PQBP1: variants seen among roughly 807,000 people sequenced by gnomAD.
PQBP1 encodes the protein polyglutamine-binding protein 1.
PQBP1 carries 3 observed loss-of-function variants against 20.9 expected under a neutral mutation model. The observed-to-expected ratio is 0.14, with a 90% CI of 0.07 to 0.37. The LOEUF (loss-of-function observed/expected upper bound fraction) is 0.37. Ranked by LOEUF, PQBP1 falls within the 10% of genes least tolerant of loss-of-function variation. The probability of loss-of-function intolerance (pLI) is 1.00; values close to 1 mark genes in which losing one functional copy is unlikely to be tolerated. For synonymous variants in PQBP1, 83 were observed against 93.8 expected (o/e 0.88, Z 0.67); for missense variants, 162 against 240.3 (o/e 0.67, Z 2.16).
intron 2 of PQBP1, among the ~76,000 whole-genome samples, chrX:48,900,487 G>T (rs782360516): frequency 9.6e-6 from 1 of 104,675 alleles, no homozygotes; most frequent in Non-Finnish European, 2.0e-5. Context: ...TAGAGATGGG[G>T]TTTCACCATG....
chrX:48,900,284 C>CTT lies in PQBP1; in HGVS notation c.68-878_68-877dup, dbSNP rs1162086780. Among the ~76,000 whole-genome samples the CTT allele has an allele frequency of 2.2e-3, 72 of 32,474 alleles. 6 individuals are homozygous for CTT. The highest frequency in any genetic ancestry group is 6.4e-3 in the African/African-American group (50 of 7,756). 28.2% of individuals were successfully genotyped at this position (32,474 alleles called of 115,157 possible). ...AAAACTGGCAATGATCATTGATTTACTTTTTTTTTTTTTTTTTTTTTTTTT... is the reference window on the plus strand; with the variant it reads ...AAAACTGGCAATGATCATTGATTTACTTTTTTTTTTTTTTTTTTTTTTTTTTT... On this transcript the variant is annotated intron_variant, in intron 2 of 6. Coordinates refer to ENST00000447146, the MANE Select transcript of PQBP1 (RefSeq NM_001032382.2).
chrX:48,901,493 T>G (rs782605252), intron 3 of PQBP1, 192 bp downstream of exon 3: 38 of 955,834 alleles, frequency 4.0e-5, no homozygotes, highest in Non-Finnish European at 5.7e-6. Flanking sequence ...TTCTCTCTTT[T>G]TTGAAACGGA....
intron 2 of PQBP1, among the ~76,000 whole-genome samples, chrX:48,899,573 A>G (rs1391402884): frequency 3.6e-5 from 4 of 111,352 alleles, no homozygotes; most frequent in Non-Finnish European, 5.7e-5. Context: ...CCTGGCCGAC[A>G]CATGGAGACC....
In PQBP1 at chrX:48,903,043, C is replaced by A. The variant is rs1275262976; in HGVS notation, c.757C>A (p.Arg253=). 2 of 1,207,990 alleles carry A rather than the reference C, an allele frequency of 1.7e-6. No homozygotes were observed. The highest frequency in any genetic ancestry group is 4.4e-5 in the Admixed American group (2 of 45,669). The stretch of plus-strand genomic sequence containing the variant: ...GTATCCATCCCCAGGGGCTGTGCTC[C>A]GGGCCAATGCAGAGGCCTCCCGAAC... ...RPYPSPGAVL[R]ANAEASRTKQ... The change falls in exon 7 of 7, where the codon CGG becomes AGG. Residue 253 remains arginine, a synonymous_variant. Transcript: ENST00000447146.
chrX:48,902,834 A>AT (rs782654324), intron 6 of PQBP1, 39 bp downstream of exon 6: 103 of 1,186,740 alleles, frequency 8.7e-5, no homozygotes, highest in Non-Finnish European at 1.2e-4. Context: ...CGTGGACACC[A>AT]TCCTCCGGCC....
intron 4 of PQBP1, 32 bp downstream of exon 4, chrX:48,902,074 G>A (rs369627480): frequency 1.2e-5 from 14 of 1,209,093 alleles, no homozygotes; most frequent in Non-Finnish European, 1.5e-5. Context: ...TGCCTTGAGT[G>A]ATCTTAGCAG....
rs1385954949 is a variant in PQBP1, at chrX:48,898,563, A to G, written c.54A>G (p.Lys18=). Residue 18 remains lysine (K), a synonymous_variant, in exon 2 of 7, where the codon AAA becomes AAG. Coordinates refer to ENST00000447146, the MANE Select transcript of PQBP1 (RefSeq NM_001032382.2). The part of the protein sequence containing the change: ...QTRLAKRGIL[K]HLEPEPEEEI... ...GCTTGGCCAAGAGAGGCATCCTCAAACATCTGGAGCCTGGTGAGACAGCTA... is the reference window on the plus strand; with the variant it reads ...GCTTGGCCAAGAGAGGCATCCTCAAGCATCTGGAGCCTGGTGAGACAGCTA... 2 of 1,207,467 alleles carry G rather than the reference A, an allele frequency of 1.7e-6. No individual in the cohort carries two copies. Among genetic ancestry groups the G allele is most frequent in the South Asian group, 1.8e-5 (1 of 56,744 alleles).
rs781844953 is a variant in PQBP1 at position 48,902,398 on chromosome X, G to A, written c.458G>A (p.Arg153Lys). The A allele has an allele frequency of 5.8e-6, 7 of 1,207,653 alleles. No individual in the cohort carries two copies. The East Asian group carries it at 8.9e-5, about 15-fold the overall frequency. ...GGCTATGACAAGGTAGACAGAGAGA[G>A]AGAGCGAGACAGGGAACGGGATCGG... ...ERGYDKVDRE[R>K]ERDRERDRDR... The change falls in exon 5 of 7, where the codon AGA (arginine) becomes AAA (lysine). Residue 153 changes from arginine (R) to lysine (K), a missense_variant. Arg to Lys is a conservative substitution (Grantham distance 26, BLOSUM62 2). Transcript: ENST00000447146.
chrX:48,901,757 G>C (rs1459583606), intron 3 of PQBP1, among the ~76,000 whole-genome samples, 173 bp from the exon 4 acceptor site: 2 of 112,066 alleles, frequency 1.8e-5, no homozygotes, highest in African/African-American at 6.5e-5. Context: ...GGGATTACAG[G>C]CATGAGCCAC....
At chrX:48,901,492 T>C in intron 3 of PQBP1, 191 bp downstream of exon 3, 2 of 960,989 alleles carry the variant, frequency 2.1e-6, no homozygotes, top group South Asian at 4.3e-5. Flanking sequence ...TTTCTCTCTT[T>C]TTTGAAACGG....
chrX:48,902,190 G>A (rs782511468), intron 4 of PQBP1, 43 bp from the exon 5 acceptor site: 1 of 1,210,290 alleles, frequency 8.3e-7, no homozygotes, highest in East Asian at 3.0e-5. Flanking sequence ...AGGCTGCTGG[G>A]TCCTGGGGTG....
At chrX:48,900,589 C>T (rs1479706972) in intron 2 of PQBP1, among the ~76,000 whole-genome samples, 4 of 110,238 alleles carry the variant, frequency 3.6e-5, no homozygotes, top group Non-Finnish European at 7.6e-5. Context: ...CAGGGTCTCA[C>T]TCTGTTGCCC....
In PQBP1 at chrX:48,897,970, G is replaced by C. The variant is rs2063333677; in HGVS notation, c.-131G>C. On this transcript the variant is annotated 5_prime_UTR_variant, in exon 1 of 7. Transcript: ENST00000447146. The stretch of plus-strand genomic sequence containing the variant: ...TCGGGGAGTGAAGGCCTCGTTGAGA[G>C]AAGGTCTCATTCGGTGTTTTGGGAA... 1 of 903,200 alleles carries C rather than the reference G, an allele frequency of 1.1e-6. No individual in the cohort carries two copies. Among genetic ancestry groups the C allele is most frequent in the African/African-American group, 2.0e-5 (1 of 49,772 alleles). 74.4% of individuals were successfully genotyped at this position (903,200 alleles called of 1,213,427 possible).
chrX:48,899,954 T>C (rs185330465), intron 2 of PQBP1, among the ~76,000 whole-genome samples: 50 of 112,026 alleles, frequency 4.5e-4, no homozygotes, highest in Non-Finnish European at 8.3e-4. Flanking sequence ...GTTAATAAAA[T>C]TGTCAATGAT....
Position 48,897,967 on chromosome X carries a change from A to G in PQBP1, c.-134A>G. 1 of 902,950 alleles carries G rather than the reference A, an allele frequency of 1.1e-6. No homozygotes were observed. Among genetic ancestry groups the G allele is most frequent in the Non-Finnish European group, 1.5e-6 (1 of 674,565 alleles). 74.4% of individuals were successfully genotyped at this position (902,950 alleles called of 1,213,427 possible). Reference sequence around the variant, plus strand: ...GGCTCGGGGAGTGAAGGCCTCGTTGAGAGAAGGTCTCATTCGGTGTTTTGG... The same window carrying G: ...GGCTCGGGGAGTGAAGGCCTCGTTGGGAGAAGGTCTCATTCGGTGTTTTGG... On this transcript the variant is annotated 5_prime_UTR_variant, in exon 1 of 7. Transcript: ENST00000447146.
In PQBP1 at chrX:48,901,963, C is replaced by A. The variant is rs2063422318; in HGVS notation, c.213C>A (p.Asp71Glu). 1 of 1,209,868 alleles carries A rather than the reference C, an allele frequency of 8.3e-7. No individual in the cohort carries two copies. The highest frequency in any genetic ancestry group is 2.2e-5 in the Admixed American group (1 of 45,694). The stretch of plus-strand genomic sequence containing the variant: ...CTTACTACTGGAATGCAGACACAGA[C>A]CTTGTATCCTGGCTCTCCCCACATG... ...GLPYYWNADT[D>E]LVSWLSPHDP... The change falls in exon 4 of 7, where the codon GAC becomes GAA. Residue 71 changes from aspartate to glutamate, a missense_variant. Physicochemically the swap from Asp to Glu is conservative, Grantham distance 45. Coordinates refer to ENST00000447146, the MANE Select transcript of PQBP1 (RefSeq NM_001032382.2).
At chrX:48,902,206 A>G in intron 4 of PQBP1, 27 bp from the exon 5 acceptor site, 1 of 1,210,941 alleles carries the variant, frequency 8.3e-7, no homozygotes, top group Non-Finnish European at 1.1e-6. Flanking sequence ...GGGTGGCAAG[A>G]GGTCACTTCA....
chrX:48,898,683 C>T, intron 2 of PQBP1, 107 bp downstream of exon 2: 4 of 795,254 alleles, frequency 5.0e-6, no homozygotes, highest in Non-Finnish European at 7.3e-6. Context: ...GTGCACCAAG[C>T]AATGGGGTGG....
chrX:48,899,226 C>A (rs977002451), intron 2 of PQBP1, among the ~76,000 whole-genome samples: 4 of 111,330 alleles, frequency 3.6e-5, no homozygotes, highest in Admixed American at 9.6e-5. Context: ...ATCCACCCCC[C>A]ACCCTTGGCT....
Sources: allele counts gnomAD v4.1 joint callset (sites outside exome capture counted in the v4.1 genomes callset), GRCh38; gene constraint gnomAD v4.1.1; transcripts MANE v1.5; gene names NCBI Gene and HGNC (gene_info 2026-07-23, HGNC 2026-07-21).